ARHGEF37: variants seen among roughly 807,000 people sequenced by gnomAD.
The protein encoded by ARHGEF37 is Rho guanine nucleotide exchange factor 37, also known as Rho guanine nucleotide exchange factor (GEF) 37.
ARHGEF37 carries 55 observed loss-of-function variants against 71.1 expected under a neutral mutation model. That is an observed-to-expected ratio of 0.77 (90% confidence interval 0.62 to 0.97). The LOEUF is 0.97. ARHGEF37 is among the 50% of genes least tolerant of loss of function. The pLI is 0.00. For missense variants in ARHGEF37, 765 were observed against 836.8 expected (o/e 0.91, Z 1.06); for synonymous variants, 327 against 350.6 (o/e 0.93, Z 0.75).
At chr5:149,571,424 A>G (rs1026698338) in intron 1 of ARHGEF37, among the ~76,000 whole-genome samples, 1 of 152,164 alleles carries the variant, frequency 6.6e-6, no homozygotes, top group Non-Finnish European at 1.5e-5. Flanking sequence ...TAGGGAATCA[A>G]CAAAAGTTGA....
intron 1 of ARHGEF37, among the ~76,000 whole-genome samples, chr5:149,574,540 C>A (rs545653913): frequency 6.6e-6 from 1 of 152,176 alleles, no homozygotes; most frequent in Non-Finnish European, 1.5e-5. Flanking sequence ...CTCTTCTTTT[C>A]GTGCATTTAC....
chr5:149,599,801 C>T (rs1455250064), intron 2 of ARHGEF37, among the ~76,000 whole-genome samples: 1 of 152,178 alleles, frequency 6.6e-6, no homozygotes, highest in African/African-American at 2.4e-5. Flanking sequence ...CCAGTCTTGA[C>T]ACATAAATAA....
Position 149,596,725 on chromosome 5 carries a change from G to A in ARHGEF37, c.-11-1034G>A, listed in dbSNP as rs1763558492. ...GTAGCCTTAGAGAAGTGAATGCTGG[G>A]GGATAGGAACACAGGAGGGGGCATG... On this transcript the variant is annotated intron_variant, in intron 1 of 12. Transcript: ENST00000333677. Among the ~76,000 whole-genome samples, 4 of 152,170 alleles carry A rather than the reference G, an allele frequency of 2.6e-5. No homozygotes were observed. In the South Asian group the frequency reaches 8.3e-4, roughly 32 times the overall value.
chr5:149,622,111 C>T, intron 9 of ARHGEF37, 49 bp downstream of exon 9: 1 of 1,515,184 alleles, frequency 6.6e-7, no homozygotes, highest in Admixed American at 2.0e-5. Flanking sequence ...CAGGCAAGGC[C>T]CTGCAGCCCC....
chr5:149,566,718 T>C (rs889924773), intron 1 of ARHGEF37, among the ~76,000 whole-genome samples: 15 of 152,140 alleles, frequency 9.9e-5, no homozygotes, highest in Non-Finnish European at 2.2e-4. Flanking sequence ...GTCCTTCCAG[T>C]GTGTGACAAG....
chr5:149,584,169 C>A (rs1763174421), intron 1 of ARHGEF37, among the ~76,000 whole-genome samples: 1 of 152,172 alleles, frequency 6.6e-6, no homozygotes, highest in Admixed American at 6.5e-5. Context: ...CCTGGGCAGA[C>A]TCACTTATCT....
At chr5:149,612,747 C>T (rs369678927) in intron 4 of ARHGEF37, among the ~76,000 whole-genome samples, 33 of 152,326 alleles carry the variant, frequency 2.2e-4, no homozygotes, top group African/African-American at 7.5e-4. Context: ...TGTCCCTGCC[C>T]GTTAAATGCC....
intron 1 of ARHGEF37, among the ~76,000 whole-genome samples, chr5:149,564,870 A>G (rs1762880991): frequency 6.6e-6 from 1 of 152,198 alleles, no homozygotes; most frequent in East Asian, 1.9e-4. Context: ...ATCCCATGGT[A>G]TGGCACAGCA....
chr5:149,609,416 C>T, intron 3 of ARHGEF37, 132 bp from the exon 4 acceptor site: 2 of 958,478 alleles, frequency 2.1e-6, no homozygotes, highest in Non-Finnish European at 3.2e-6. Flanking sequence ...GGTCATTTGC[C>T]CATGGTGACA....
At chr5:149,554,967 T>C (rs1350044391) in intron 1 of ARHGEF37, among the ~76,000 whole-genome samples, 4 of 151,712 alleles carry the variant, frequency 2.6e-5, no homozygotes, top group Non-Finnish European at 5.9e-5. Context: ...CCGTCTATAC[T>C]AAAAAGTACA....
chr5:149,577,479 T>C (rs1256177683), upstream of ARHGEF37, among the ~76,000 whole-genome samples: 3 of 152,210 alleles, frequency 2.0e-5, no homozygotes, highest in African/African-American at 7.2e-5. Context: ...CTCTTTCTTC[T>C]CAACCTTCTT....
chr5:149,599,100 C>G (rs1403145959), intron 2 of ARHGEF37, among the ~76,000 whole-genome samples: 2 of 152,154 alleles, frequency 1.3e-5, no homozygotes, highest in Non-Finnish European at 2.9e-5. Context: ...CATCCTGAAA[C>G]GTGAGCTGTA....
At chr5:149,565,384 A>G (rs114622022) in intron 1 of ARHGEF37, among the ~76,000 whole-genome samples, 1,597 of 152,282 alleles carry the variant, frequency 0.01, 23 homozygotes, top group African/African-American at 0.037. Context: ...GTATTTAGTA[A>G]ATATTTTGTG....
intron 1 of ARHGEF37, among the ~76,000 whole-genome samples, chr5:149,590,759 G>A (rs1221718436): frequency 6.6e-6 from 1 of 151,884 alleles, no homozygotes; most frequent in East Asian, 1.9e-4. Context: ...ACCACACCCG[G>A]CTAATTTTTT....
chr5:149,579,255 GT>G (rs1763062072), upstream of ARHGEF37, among the ~76,000 whole-genome samples: 2 of 152,286 alleles, frequency 1.3e-5, no homozygotes, highest in East Asian at 3.9e-4. Flanking sequence ...TTACAGGAGT[GT>G]GAACTGAGGC....
At chr5:149,572,895 T>C (rs1342019696) in intron 1 of ARHGEF37, among the ~76,000 whole-genome samples, 1 of 152,198 alleles carries the variant, frequency 6.6e-6, no homozygotes, top group Non-Finnish European at 1.5e-5. Context: ...TGTGTTGCTA[T>C]GAAAGAATAC....
At chr5:149,614,661 C>T (rs1467711943) in intron 4 of ARHGEF37, among the ~76,000 whole-genome samples, 2 of 152,150 alleles carry the variant, frequency 1.3e-5, no homozygotes, top group African/African-American at 4.8e-5. Context: ...GTTTCCACCT[C>T]CCCTGCCCAC....
chr5:149,576,612 A>T (rs1269149208), upstream of ARHGEF37, among the ~76,000 whole-genome samples: 1 of 152,208 alleles, frequency 6.6e-6, no homozygotes, highest in Non-Finnish European at 1.5e-5. Flanking sequence ...TAAATGTGTG[A>T]GCCACCACGC....
At chr5:149,626,496 G>A (rs377111962) in intron 10 of ARHGEF37, among the ~76,000 whole-genome samples, 3 of 152,122 alleles carry the variant, frequency 2.0e-5, no homozygotes, top group Admixed American at 6.6e-5. Context: ...TGGCAATTTC[G>A]TCTAGGTAAA....
Sources: allele counts gnomAD v4.1 joint callset (sites outside exome capture counted in the v4.1 genomes callset), GRCh38; gene constraint gnomAD v4.1.1; transcripts MANE v1.5; gene names NCBI Gene and HGNC (gene_info 2026-07-23, HGNC 2026-07-21).